ZMYM5: variants seen among roughly 807,000 people sequenced by gnomAD.
ZMYM5 encodes zinc finger MYM-type protein 5.
In ZMYM5, 41 loss-of-function variants were observed where a neutral mutation model predicts 61.8. The observed-to-expected ratio is 0.66, with a 90% confidence interval of 0.52 to 0.86. ZMYM5 has a LOEUF of 0.86. Among genes scored for constraint, ZMYM5 ranks in the 40% least tolerant of loss-of-function variants. The pLI, the probability that ZMYM5 is intolerant of heterozygous loss-of-function variation, is 0.00. For missense variants in ZMYM5, 706 were observed against 786.7 expected (o/e 0.90, Z 1.23); for synonymous variants, 257 against 276.4 (o/e 0.93, Z 0.70).
In ZMYM5 at chr13:19,823,727, G is replaced by A. The variant is rs1391175900; in HGVS notation, c.*750C>T. 1 of 152,170 alleles carries A rather than the reference G, an allele frequency of 6.6e-6. No individual in the cohort carries two copies. Among genetic ancestry groups the A allele is most frequent in the Non-Finnish European group, 1.5e-5 (1 of 68,038 alleles). The allele number at this position is 152,170 out of a possible 1,614,324, so 9.4% of individuals were successfully genotyped here. The stretch of plus-strand genomic sequence containing the variant: ...TTTCAGATCCCATTCTGTAAACTGA[G>A]TAGTTTTACTTTAATAATAATGTTG... On this transcript the variant is annotated 3_prime_UTR_variant, in exon 8 of 8. Transcript: ENST00000337963.
At chr13:19,852,323 C>T (rs1953345108) in intron 2 of ZMYM5, 133 bp from the exon 3 acceptor site, 2 of 914,100 alleles carry the variant, frequency 2.2e-6, no homozygotes, top group Admixed American at 3.1e-5. Context: ...TTTTCCTCTA[C>T]TGTTAACTAA....
At chr13:19,846,411 TAACTC>T (rs1170570062) in intron 4 of ZMYM5, among the ~76,000 whole-genome samples, 3 of 152,150 alleles carry the variant, frequency 2.0e-5, no homozygotes, top group East Asian at 3.8e-4. Flanking sequence ...TTCTTAAAAA[TAACTC>T]AAAAGAGTTC....
At chr13:19,840,955 GCC>G (rs1952854815) in intron 4 of ZMYM5, among the ~76,000 whole-genome samples, 1 of 148,990 alleles carries the variant, frequency 6.7e-6, no homozygotes, top group Non-Finnish European at 1.5e-5. Flanking sequence ...GGGATTACAG[GCC>G]TGAGCCACCG....
At chr13:19,843,979 A>G (rs115469420) in intron 4 of ZMYM5, among the ~76,000 whole-genome samples, 1,673 of 151,732 alleles carry the variant, frequency 0.011, 29 homozygotes, top group African/African-American at 0.038. Flanking sequence ...TCCAAAAAAT[A>G]CTTAAAAATT....
At chr13:19,848,970 CA>C (rs1181037083) in intron 4 of ZMYM5, among the ~76,000 whole-genome samples, 2 of 150,468 alleles carry the variant, frequency 1.3e-5, no homozygotes, top group Non-Finnish European at 3.0e-5. Flanking sequence ...AATCTGAGAC[CA>C]AAAAAATTGA....
chr13:19,826,046 T>TAA (rs56181038), intron 7 of ZMYM5, among the ~76,000 whole-genome samples: 39 of 118,870 alleles, frequency 3.3e-4, no homozygotes, highest in African/African-American at 1.2e-3. Context: ...ACTCCATGCT[T>TAA]AAAAAAAAAA....
At chr13:19,859,399 G>A (rs1219958733) in intron 2 of ZMYM5, among the ~76,000 whole-genome samples, 47 of 150,836 alleles carry the variant, frequency 3.1e-4, no homozygotes, top group Non-Finnish European at 5.9e-5. Flanking sequence ...TTTTTTGTTT[G>A]TTTGTTTGTT....
rs577907331 is a variant in ZMYM5 at position 19,857,473 on chromosome 13, A to G, written c.-11+4926T>C. 5.3e-4 allele frequency among the ~76,000 whole-genome samples: 80 copies of G among 152,366 alleles called. 1 individual carries two copies. Among genetic ancestry groups the G allele is most frequent in the Non-Finnish European group, 8.5e-4 (58 of 68,036 alleles). On this transcript the variant is annotated intron_variant, in intron 2 of 7. Coordinates refer to ENST00000337963, the MANE Select transcript of ZMYM5 (RefSeq NM_001142684.2). ...TAAGCACACCTATTTAAAATCAGATATAAAGGTGTACCATGACTCTGAAGG... is the reference window on the plus strand; with the variant it reads ...TAAGCACACCTATTTAAAATCAGATGTAAAGGTGTACCATGACTCTGAAGG...
intron 7 of ZMYM5, among the ~76,000 whole-genome samples, chr13:19,833,774 T>C (rs1195792469): frequency 6.6e-6 from 1 of 152,218 alleles, no homozygotes; most frequent in East Asian, 1.9e-4. Flanking sequence ...ATTAAAATCT[T>C]GTACTTTTCA....
At chr13:19,861,513 G>A (rs747744034) in intron 2 of ZMYM5, among the ~76,000 whole-genome samples, 8 of 152,120 alleles carry the variant, frequency 5.3e-5, no homozygotes, top group Non-Finnish European at 4.4e-5. Flanking sequence ...GAGATATGCT[G>A]TGAAATGTAA....
At chr13:19,831,431 C>T (rs1891208636) in intron 7 of ZMYM5, among the ~76,000 whole-genome samples, 1 of 151,908 alleles carries the variant, frequency 6.6e-6, no homozygotes, top group Non-Finnish European at 1.5e-5. Flanking sequence ...CACTGAGTTA[C>T]TCTGTATTAC....
chr13:19,859,597 T>C (rs1427901297), intron 2 of ZMYM5, among the ~76,000 whole-genome samples: 16 of 151,480 alleles, frequency 1.1e-4, no homozygotes, highest in Admixed American at 4.0e-4. Context: ...TTTGTAAAGA[T>C]GGGGTTTCAC....
chr13:19,851,977 A>T lies in ZMYM5; in HGVS notation c.204T>A (p.Pro68=). Residue 68 remains proline (P), a synonymous_variant, in exon 3 of 8, where the codon CCT becomes CCA. Transcript: ENST00000337963. ...CTATTGCTGGAGCAGAAATTGAAGG[A>T]GGTTGTATAGATTCAATAAACACAA... ...DDVVFIESIQ[P]PSISAPAIAD... 6.2e-7 allele frequency: 1 copy of T among 1,614,062 alleles called. No individual in the cohort carries two copies. The highest frequency in any genetic ancestry group is 8.5e-7 in the Non-Finnish European group (1 of 1,180,006).
chr13:19,826,043 G>C (rs1271095681), intron 7 of ZMYM5, among the ~76,000 whole-genome samples: 9 of 24,974 alleles, frequency 3.6e-4, no homozygotes, highest in African/African-American at 1.7e-3. Flanking sequence ...AAGACTCCAT[G>C]CTTAAAAAAA....
At position 19,824,631 on chromosome 13, in the gene ZMYM5, A is replaced by C. The variant is rs571351840; in HGVS notation, c.1856T>G (p.Leu619Arg). ...CKDWQHLSHI[L>R]SKHEESEMHV... Reference sequence around the variant, plus strand: ...CATTTCACTTTCTTCATGTTTACTAAGAATATGTGATAAATGTTGCCAATC... The same window carrying C: ...CATTTCACTTTCTTCATGTTTACTACGAATATGTGATAAATGTTGCCAATC... Residue 619 changes from leucine to arginine, a missense_variant, in exon 8 of 8, where the codon CTT becomes CGT. Physicochemically the swap from Leu to Arg is moderately radical, Grantham distance 102 (BLOSUM62 -2). Coordinates refer to ENST00000337963, the MANE Select transcript of ZMYM5 (RefSeq NM_001142684.2). 7.6e-7 allele frequency: 1 copy of C among 1,317,070 alleles called. No homozygotes were observed. The highest frequency in any genetic ancestry group is 1.0e-6 in the Non-Finnish European group (1 of 995,992). The allele number at this position is 1,317,070 out of a possible 1,614,324, so 81.6% of individuals were successfully genotyped here.
chr13:19,854,060 A>G (rs1178498155), intron 2 of ZMYM5, among the ~76,000 whole-genome samples: 1 of 152,100 alleles, frequency 6.6e-6, no homozygotes, highest in Non-Finnish European at 1.5e-5. Context: ...GCCAGGCCAG[A>G]GTGCAGTGGT....
chr13:19,841,496 T>G (rs1952876621), intron 4 of ZMYM5, among the ~76,000 whole-genome samples: 1 of 151,556 alleles, frequency 6.6e-6, no homozygotes, highest in African/African-American at 2.4e-5. Context: ...CCATTTGTTA[T>G]TTGTAGCTCT....
At chr13:19,858,999 C>T (rs1018269872) in intron 2 of ZMYM5, among the ~76,000 whole-genome samples, 8 of 151,784 alleles carry the variant, frequency 5.3e-5, no homozygotes, top group African/African-American at 1.9e-4. Flanking sequence ...CTTGGGTTCA[C>T]CAAGCACTGG....
rs568928054 is a variant in ZMYM5, at chr13:19,842,655, TA to T, written c.587-3671del. ...ATGACTTAAGCTTTTTTTTTTTAAT[TA>T]AAAAAAAAAAAAAGGTTTCTTGGCT... On this transcript the variant is annotated intron_variant, in intron 4 of 7. Coordinates refer to ENST00000337963, the MANE Select transcript of ZMYM5 (RefSeq NM_001142684.2). Among the ~76,000 whole-genome samples the T allele has an allele frequency of 9.2e-3, 1,225 of 133,494 alleles. 3 individuals carry two copies. The highest frequency in any genetic ancestry group is 0.033 in the South Asian group (137 of 4,196). The allele number at this position is 133,494 out of a possible 152,430, so 87.6% of individuals were successfully genotyped here. A position where few individuals can be genotyped will look rare whatever the true frequency, so the allele number is the denominator to read the frequency against.
Sources: allele counts gnomAD v4.1 joint callset (sites outside exome capture counted in the v4.1 genomes callset), GRCh38; gene constraint gnomAD v4.1.1; transcripts MANE v1.5; gene names NCBI Gene and HGNC (gene_info 2026-07-23, HGNC 2026-07-21).